Variants in DLGAP2 observed in about 807,000 individuals in gnomAD.
The protein encoded by DLGAP2 is DLG associated protein 2.
DLGAP2 carries 26 observed loss-of-function variants against 100.3 expected under a neutral mutation model. That is an observed-to-expected ratio of 0.26 (90% CI 0.19 to 0.36). The LOEUF (loss-of-function observed/expected upper bound fraction) is 0.36, where lower values mean the gene tolerates loss of function less well. Ranked by LOEUF, DLGAP2 falls within the 10% of genes least tolerant of loss-of-function variation. The pLI, the probability that DLGAP2 is intolerant of heterozygous loss-of-function variation, is 1.00. For missense variants in DLGAP2, 1,858 were observed against 1,453.2 expected, an observed-to-expected ratio of 1.28 and a Z score of -4.53; for synonymous variants, 886 against 630.1, an observed-to-expected ratio of 1.41 and a Z score of -6.08.
chr8:1,328,040 T>C (rs1385557476), intron 3 of DLGAP2, among the ~76,000 whole-genome samples: 1 of 151,890 alleles, frequency 6.6e-6, no homozygotes, highest in Non-Finnish European at 1.5e-5. Flanking sequence ...AAGGGCCTTT[T>C]TATAGTTGTT....
chr8:1,506,751 G>A (rs770948416), intron 4 of DLGAP2, among the ~76,000 whole-genome samples: 1 of 152,158 alleles, frequency 6.6e-6, no homozygotes. Flanking sequence ...GTGCTGATTG[G>A]TGCATTTACA....
At chr8:1,194,991 C>G (rs1797718660) in intron 2 of DLGAP2, among the ~76,000 whole-genome samples, 1 of 152,244 alleles carries the variant, frequency 6.6e-6, no homozygotes, top group Admixed American at 6.5e-5. Context: ...GCTCTCCCGG[C>G]CTTCATTCCT....
chr8:1,172,459 G>A (rs1250474986), intron 2 of DLGAP2, among the ~76,000 whole-genome samples: 1 of 152,104 alleles, frequency 6.6e-6, no homozygotes, highest in Non-Finnish European at 1.5e-5. Flanking sequence ...AGTTCTCCTG[G>A]ATAATATCCT....
intron 3 of DLGAP2, among the ~76,000 whole-genome samples, chr8:1,430,699 TTAAG>T (rs1433060819): frequency 2.0e-5 from 3 of 152,228 alleles, no homozygotes; most frequent in Non-Finnish European, 1.5e-5. Context: ...ATTAATCATT[TTAAG>T]TATTCTTTTC....
intron 3 of DLGAP2, among the ~76,000 whole-genome samples, chr8:1,425,223 C>T (rs560158787): frequency 6.6e-6 from 1 of 152,144 alleles, no homozygotes; most frequent in African/African-American, 2.4e-5. Flanking sequence ...AATCTTTTAA[C>T]TCGTTTCAAT....
chr8:1,276,847 C>G (rs901868563), intron 3 of DLGAP2, among the ~76,000 whole-genome samples: 2 of 152,140 alleles, frequency 1.3e-5, no homozygotes, highest in Admixed American at 6.5e-5. Context: ...TTATCATTTT[C>G]TCACTAAAAT....
chr8:1,466,166 C>G (rs1034611085), intron 3 of DLGAP2, among the ~76,000 whole-genome samples: 13 of 152,124 alleles, frequency 8.5e-5, no homozygotes, highest in African/African-American at 2.7e-4. Context: ...TCTTGACCCA[C>G]ATGGAGAAAT....
At chr8:1,130,733 C>G (rs1796274977) in intron 2 of DLGAP2, among the ~76,000 whole-genome samples, 1 of 152,242 alleles carries the variant, frequency 6.6e-6, no homozygotes, top group African/African-American at 2.4e-5. Flanking sequence ...ACAGACCGCA[C>G]CAGAGGCCTG....
chr8:1,173,378 G>A (rs1036028879), intron 2 of DLGAP2, among the ~76,000 whole-genome samples: 2 of 152,206 alleles, frequency 1.3e-5, no homozygotes, highest in Non-Finnish European at 2.9e-5. Context: ...CAGATCTCCA[G>A]CTGTGTGCTA....
At chr8:1,020,283 C>T (rs566000354) in intron 2 of DLGAP2, among the ~76,000 whole-genome samples, 11 of 152,256 alleles carry the variant, frequency 7.2e-5, no homozygotes, top group East Asian at 1.9e-4. Context: ...AGAAAGTGAC[C>T]GTTAATTGCT....
intron 2 of DLGAP2, among the ~76,000 whole-genome samples, chr8:1,048,436 C>G (rs73180673): frequency 6.6e-6 from 1 of 151,938 alleles, no homozygotes; most frequent in Admixed American, 6.6e-5. Flanking sequence ...ACCGGGTGTT[C>G]ACAGGTAGCG....
chr8:796,293 G>C lies in DLGAP2; in HGVS notation c.18+58468G>C, dbSNP rs138794018. 4.0e-4 allele frequency among the ~76,000 whole-genome samples: 61 copies of C among 152,286 alleles called. 1 individual carries two copies. In the East Asian group the frequency reaches 8.5e-3, roughly 21 times the overall value. On this transcript the variant is annotated intron_variant, in intron 1 of 14. Coordinates refer to ENST00000637795, the MANE Select transcript of DLGAP2 (RefSeq NM_001346810.2). ...GGTCCCGGGATCCCGCTTGGACTTT[G>C]TGTCCCTGCTCTGAGCTTGTCATCT...
intron 1 of DLGAP2, among the ~76,000 whole-genome samples, chr8:826,068 C>T (rs944242089): frequency 1.1e-4 from 16 of 152,240 alleles, no homozygotes; most frequent in Admixed American, 6.5e-4. Flanking sequence ...TAATTGAGAA[C>T]ATGCTGTGTT....
chr8:1,139,427 G>A (rs753457859), intron 2 of DLGAP2, among the ~76,000 whole-genome samples: 1 of 152,212 alleles, frequency 6.6e-6, no homozygotes, highest in Non-Finnish European at 1.5e-5. Flanking sequence ...GGAATCTATG[G>A]ATGATGGTGT....
At position 1,097,522 on chromosome 8, in the gene DLGAP2, C is replaced by T. The variant is rs1475916513; in HGVS notation, c.74-161329C>T. Among the ~76,000 whole-genome samples the T allele has an allele frequency of 4.3e-4, 45 of 103,826 alleles. 1 individual carries two copies. Among genetic ancestry groups the T allele is most frequent in the South Asian group, 2.5e-3 (7 of 2,824 alleles). 68.1% of individuals were successfully genotyped at this position (103,826 alleles called of 152,430 possible). A position where few individuals can be genotyped will look rare whatever the true frequency, so the allele number is the denominator to read the frequency against. ...TGTGGCATGGAGAGGTCCCCTCCAG[C>T]GTGAGACCCACCTCCCTCTGCTCAG... is the stretch of plus-strand genomic sequence containing the variant. On this transcript the variant is annotated intron_variant, in intron 2 of 14. Transcript: ENST00000637795.
At chr8:842,425 G>T (rs193070072) in intron 1 of DLGAP2, among the ~76,000 whole-genome samples, 2 of 152,322 alleles carry the variant, frequency 1.3e-5, no homozygotes, top group Admixed American at 1.3e-4. Flanking sequence ...ACAGGCACGT[G>T]CTTGAATCTG....
intron 2 of DLGAP2, among the ~76,000 whole-genome samples, chr8:1,029,125 C>T (rs1008824029): frequency 2.0e-5 from 3 of 152,114 alleles, no homozygotes; most frequent in South Asian, 2.1e-4. Flanking sequence ...GATAACATAG[C>T]GTGGCCGGCC....
At position 1,707,472 on chromosome 8, in the gene DLGAP2, C is replaced by G. The variant is rs917536657; in HGVS notation, c.*6066C>G. On this transcript the variant is annotated 3_prime_UTR_variant, in exon 15 of 15. Transcript: ENST00000637795. ...TTAAATAATACAATCATATCACTTT[C>G]AAAGGGCTCAGCACGAATGTTCCCC... is the stretch of plus-strand genomic sequence containing the variant. 6.6e-6 allele frequency: 1 copy of G among 152,182 alleles called. No homozygotes were observed. The highest frequency in any genetic ancestry group is 2.4e-5 in the African/African-American group (1 of 41,438). 9.4% of individuals were successfully genotyped at this position (152,182 alleles called of 1,614,324 possible). A position where few individuals can be genotyped will look rare whatever the true frequency, so the allele number is the denominator to read the frequency against.
intron 2 of DLGAP2, among the ~76,000 whole-genome samples, chr8:1,088,296 CGTCT>C (rs1488666043): frequency 6.6e-6 from 1 of 152,140 alleles, no homozygotes; most frequent in Non-Finnish European, 1.5e-5. Context: ...GTTCCATATC[CGTCT>C]GTCTGTGGCG....
Sources: gnomAD v4.1 joint callset for allele counts (sites outside exome capture counted in the v4.1 genomes callset) on GRCh38, gnomAD v4.1.1 for gene constraint, MANE v1.5 for transcripts, NCBI Gene and HGNC (gene_info 2026-07-23, HGNC 2026-07-21) for gene names.